Variants in C1D observed in about 807,000 individuals in gnomAD.
C1D encodes the protein C1D nuclear receptor corepressor.
C1D carries 10 observed loss-of-function variants against 17.5 expected under a neutral mutation model. The observed-to-expected ratio is 0.57, with a 90% CI of 0.35 to 0.97. The LOEUF (loss-of-function observed/expected upper bound fraction) is 0.97. C1D is among the 50% of genes least tolerant of loss of function. The pLI, the probability that C1D is intolerant of heterozygous loss-of-function variation, is 0.01. For missense variants in C1D, 136 were observed against 160.1 expected, an observed-to-expected ratio of 0.85 and a Z score of 0.81; for synonymous variants, 49 against 54.0, an observed-to-expected ratio of 0.91 and a Z score of 0.40.
chr2:68,047,610 C>G (rs1217789502), intron 1 of C1D, among the ~76,000 whole-genome samples: 1 of 152,148 alleles, frequency 6.6e-6, no homozygotes, highest in Non-Finnish European at 1.5e-5. Context: ...CTCCCTCTGT[C>G]GCCCAGGATA....
intron 2 of C1D, among the ~76,000 whole-genome samples, chr2:68,046,811 A>AT (rs1293007841): frequency 6.6e-6 from 1 of 152,232 alleles, no homozygotes; most frequent in Non-Finnish European, 1.5e-5. Flanking sequence ...CAGAAGAAAC[A>AT]TAATGAGATT....
intron 1 of C1D, among the ~76,000 whole-genome samples, chr2:68,055,736 A>G (rs577108340): frequency 1.8e-4 from 27 of 152,234 alleles, no homozygotes; most frequent in Non-Finnish European, 1.8e-4. Context: ...ACACTGAAGT[A>G]TAGAGGGGTA....
rs893775876 is a variant in C1D, at chr2:68,042,956, T to C, written c.359A>G (p.Asn120Ser). ...TTTCGATTTTGGTTCCCAGAGGGCATTTTTTACAAATCTTGAAGCTGCACC... is the reference window on the plus strand; with the variant it reads ...TTTCGATTTTGGTTCCCAGAGGGCACTTTTTACAAATCTTGAAGCTGCACC... ...DRGAASRFVK[N>S]ALWEPKSKNA... Residue 120 changes from asparagine (N) to serine (S), a missense_variant, in exon 5 of 5, where the codon AAT becomes AGT. Asn to Ser is a conservative substitution (Grantham distance 46, BLOSUM62 1). Coordinates refer to ENST00000410067, the MANE Select transcript of C1D (RefSeq NM_173177.3). The C allele has an allele frequency of 6.2e-7, 1 of 1,610,098 alleles. No individual in the cohort carries two copies. The highest frequency in any genetic ancestry group is 8.5e-7 in the Non-Finnish European group (1 of 1,177,566).
chr2:68,048,873 A>C (rs1258364623), intron 1 of C1D, among the ~76,000 whole-genome samples: 2 of 152,240 alleles, frequency 1.3e-5, no homozygotes, highest in African/African-American at 4.8e-5. Flanking sequence ...ATCTACCAGC[A>C]GACTTCAACA....
chr2:68,049,132 G>A (rs1366681831), intron 1 of C1D, among the ~76,000 whole-genome samples: 1 of 151,910 alleles, frequency 6.6e-6, no homozygotes, highest in Non-Finnish European at 1.5e-5. Flanking sequence ...GGGAGGTGGA[G>A]GTTGCAGTGA....
chr2:68,061,889 TTGAC>T, intron 1 of C1D, among the ~76,000 whole-genome samples: 1 of 152,370 alleles, frequency 6.6e-6, no homozygotes, highest in South Asian at 2.1e-4. Context: ...GTAGTATCTT[TTGAC>T]TGAGAATTTT....
chr2:68,046,276 T>A (rs1671118920), intron 3 of C1D, 68 bp downstream of exon 3: 5 of 1,209,620 alleles, frequency 4.1e-6, no homozygotes, highest in African/African-American at 1.5e-5. Context: ...GTTAGCATTT[T>A]AAAAATAAAT....
chr2:68,044,577 A>G (rs375160059), intron 4 of C1D, among the ~76,000 whole-genome samples: 63 of 152,240 alleles, frequency 4.1e-4, no homozygotes, highest in African/African-American at 1.4e-3. Flanking sequence ...GCGTGGTGGC[A>G]GGCGCCTGTA....
At chr2:68,043,349 T>C (rs749644884) in intron 4 of C1D, among the ~76,000 whole-genome samples, 1 of 152,216 alleles carries the variant, frequency 6.6e-6, no homozygotes, top group Non-Finnish European at 1.5e-5. Context: ...TGAAAGTTTC[T>C]AGGTGGTTAT....
chr2:68,045,128 A>G (rs1397824473), intron 4 of C1D, among the ~76,000 whole-genome samples: 1 of 152,200 alleles, frequency 6.6e-6, no homozygotes, highest in African/African-American at 2.4e-5. Context: ...AAAACTGAAG[A>G]CAACAGATCT....
At chr2:68,043,682 CAATT>C (rs1255283568) in intron 4 of C1D, among the ~76,000 whole-genome samples, 45 of 152,046 alleles carry the variant, frequency 3.0e-4, no homozygotes, top group African/African-American at 1.1e-3. Context: ...TCTTCTGAGA[CAATT>C]AATCAGCATA....
chr2:68,053,230 C>A, intron 1 of C1D: 2 of 1,543,020 alleles, frequency 1.3e-6, no homozygotes, highest in Non-Finnish European at 1.7e-6. Flanking sequence ...ACCTGGGTTG[C>A]GGGGATGCTG....
chr2:68,060,668 C>G (rs1671601176), intron 1 of C1D, among the ~76,000 whole-genome samples: 2 of 126,008 alleles, frequency 1.6e-5, no homozygotes, highest in Admixed American at 8.3e-5. Context: ...TGGGGTGGGG[C>G]AGGGCGGGCA....
At position 68,050,303 on chromosome 2, in the gene C1D, A is replaced by AC. The variant is rs377590571; in HGVS notation, c.-9-2985_-9-2984insG. On this transcript the variant is annotated intron_variant, in intron 1 of 4. Transcript: ENST00000410067. ...ATTTCTCCATCTAAGAAAGAAACAA[A>AC]AAAAAAAAAAATTTCTTGACTTCAT... is the stretch of plus-strand genomic sequence containing the variant. Among the ~76,000 whole-genome samples the AC allele has an allele frequency of 4.3e-3, 659 of 151,932 alleles. 4 individuals carry two copies. Among genetic ancestry groups the AC allele is most frequent in the African/African-American group, 0.015 (634 of 41,484 alleles).
chr2:68,041,344 G>A lies in C1D; in HGVS notation c.*1545C>T, dbSNP rs774176372. The A allele has an allele frequency of 9.9e-5, 15 of 151,912 alleles. 1 individual carries two copies. The highest frequency in any genetic ancestry group is 2.1e-4 in the Non-Finnish European group (14 of 67,864). 9.4% of individuals were successfully genotyped at this position (151,912 alleles called of 1,614,324 possible). On this transcript the variant is annotated 3_prime_UTR_variant, in exon 5 of 5. Coordinates refer to ENST00000410067, the MANE Select transcript of C1D (RefSeq NM_173177.3). ...CAATTGTATAACATTTTTCATTTAA[G>A]CTGTTTTTCTTTTATGAAATTAGAA...
intron 1 of C1D, among the ~76,000 whole-genome samples, chr2:68,048,543 G>A (rs1189494958): frequency 6.6e-6 from 1 of 152,046 alleles, no homozygotes; most frequent in African/African-American, 2.4e-5. Flanking sequence ...AGTTTGAAAA[G>A]TACTATTTAA....
Position 68,046,658 on chromosome 2 carries a change from G to A in C1D, c.139-248C>T, listed in dbSNP as rs1671130801. The A allele has an allele frequency of 1.7e-5, 7 of 403,738 alleles. No homozygotes were observed. In the Admixed American group the frequency reaches 2.5e-4, roughly 14 times the overall value. The allele number at this position is 403,738 out of a possible 1,614,324, so 25.0% of individuals were successfully genotyped here. ...TCATCTTTAGTTAGACAAGGAAAGT[G>A]CATAACCCAAGAAAAATTCTTTTGA... On this transcript the variant is annotated intron_variant, in intron 2 of 4. Coordinates refer to ENST00000410067, the MANE Select transcript of C1D (RefSeq NM_173177.3).
At chr2:68,059,243 T>G (rs1671546939) in intron 1 of C1D, among the ~76,000 whole-genome samples, 1 of 152,102 alleles carries the variant, frequency 6.6e-6, no homozygotes, top group East Asian at 1.9e-4. Flanking sequence ...ACTCATTACC[T>G]CAAGGACAAA....
intron 1 of C1D, among the ~76,000 whole-genome samples, chr2:68,056,903 T>C (rs1671453210): frequency 6.6e-6 from 1 of 152,230 alleles, no homozygotes; most frequent in African/African-American, 2.4e-5. Flanking sequence ...CTAGCAATTT[T>C]ACTTCTCAAA....
Sources: gnomAD v4.1 joint callset for allele counts (sites outside exome capture counted in the v4.1 genomes callset) on GRCh38, gnomAD v4.1.1 for gene constraint, MANE v1.5 for transcripts, NCBI Gene and HGNC (gene_info 2026-07-23, HGNC 2026-07-21) for gene names.